CGAS: variants seen among roughly 807,000 people sequenced by gnomAD.
CGAS encodes cyclic GMP-AMP synthase, also known as 2'3'-cGAMP synthase.
A neutral mutation model predicts 34.0 loss-of-function variants in CGAS; 31 were observed. That is an observed-to-expected ratio of 0.91 (90% CI 0.69 to 1.23). CGAS has a LOEUF of 1.23. Among genes scored for constraint, CGAS ranks in the 50% most tolerant of loss-of-function variants. The pLI is 0.00. For missense variants in CGAS, 597 were observed against 657.6 expected, an observed-to-expected ratio of 0.91 and a Z score of 1.01; for synonymous variants, 266 against 260.0, an observed-to-expected ratio of 1.02 and a Z score of -0.22.
chr6:73,430,574 G>A (rs368578302), intron 3 of CGAS, among the ~76,000 whole-genome samples: 4 of 151,926 alleles, frequency 2.6e-5, no homozygotes, highest in East Asian at 1.9e-4. Context: ...CCGGAATGCC[G>A]AGGTTGCAGT....
intron 1 of CGAS, among the ~76,000 whole-genome samples, chr6:73,449,851 C>T (rs1321890099): frequency 3.3e-5 from 5 of 151,254 alleles, no homozygotes; most frequent in African/African-American, 1.2e-4. Context: ...ATAAATTAGC[C>T]GGGAGTGGGG....
At chr6:73,445,313 A>T (rs998403213) in intron 2 of CGAS, among the ~76,000 whole-genome samples, 2 of 151,628 alleles carry the variant, frequency 1.3e-5, no homozygotes, top group African/African-American at 2.4e-5. Context: ...TTCATTAGAG[A>T]ACAAATAGAT....
intron 2 of CGAS, among the ~76,000 whole-genome samples, chr6:73,441,581 G>A (rs910589634): frequency 6.6e-6 from 1 of 152,122 alleles, no homozygotes; most frequent in African/African-American, 2.4e-5. Context: ...GAATAAGCAG[G>A]AAGAAGAAAG....
intron 1 of CGAS, among the ~76,000 whole-genome samples, chr6:73,448,776 A>G (rs1770510100): frequency 6.6e-6 from 1 of 152,110 alleles, no homozygotes; most frequent in South Asian, 2.1e-4. Context: ...TGGCCCACAT[A>G]TATCTCATAA....
At chr6:73,443,235 CTTTT>C (rs35135687) in intron 2 of CGAS, among the ~76,000 whole-genome samples, 2 of 104,222 alleles carry the variant, frequency 1.9e-5, no homozygotes, top group Admixed American at 1.3e-4. Flanking sequence ...TTCCCAAACT[CTTTT>C]TTTTTTTTTT....
chr6:73,427,373 T>C (rs1383211906), intron 4 of CGAS, among the ~76,000 whole-genome samples: 1 of 151,822 alleles, frequency 6.6e-6, no homozygotes, highest in African/African-American at 2.4e-5. Flanking sequence ...GATCTCAGCT[T>C]ATTGCAACCT....
Position 73,428,816 on chromosome 6 carries a change from A to G in CGAS, c.1115-5T>C, listed in dbSNP as rs1285388410. 2 of 1,606,606 alleles carry G rather than the reference A, an allele frequency of 1.2e-6. No individual in the cohort carries two copies. The highest frequency in any genetic ancestry group is 3.5e-5 in the Admixed American group (2 of 57,788). On this transcript the variant is annotated splice_polypyrimidine_tract_variant and splice_region_variant and intron_variant, in intron 3 of 4. Transcript: ENST00000370315. ...AGGATAGCCGCCATGTTTCTTCTTA[A>G]TTTCAAAAAGAAAAACAAAAAAGCA...
At position 73,451,784 on chromosome 6, in the gene CGAS, C is replaced by G. The variant is rs1168016799; in HGVS notation, c.398G>C (p.Arg133Thr). 6.3e-7 allele frequency: 1 copy of G among 1,585,262 alleles called. No individual in the cohort carries two copies. Among genetic ancestry groups the G allele is most frequent in the Non-Finnish European group, 8.6e-7 (1 of 1,167,166 alleles). The change falls in exon 1 of 5, where the codon AGA (arginine) becomes ACA (threonine). Residue 133 changes from arginine to threonine, a missense_variant. Arg to Thr is a moderately conservative substitution (Grantham distance 71). Coordinates refer to ENST00000370315, the MANE Select transcript of CGAS (RefSeq NM_138441.3). ...QRGARCSTKP[R>T]PPPGPWDVPS... Reference sequence around the variant, plus strand: ...CACGTCCCAGGGCCCGGGCGGAGGTCTTGGCTTCGTGGAGCAGCGCGCGCC... The same window carrying G: ...CACGTCCCAGGGCCCGGGCGGAGGTGTTGGCTTCGTGGAGCAGCGCGCGCC...
intron 1 of CGAS, among the ~76,000 whole-genome samples, chr6:73,446,697 C>T (rs1770477607): frequency 9.9e-5 from 1 of 10,146 alleles, no homozygotes; most frequent in Admixed American, 9.9e-4. Flanking sequence ...CACTGCAGTC[C>T]GCAGTCCCGC....
At chr6:73,440,758 C>T (rs1036769244) in intron 2 of CGAS, among the ~76,000 whole-genome samples, 2 of 151,924 alleles carry the variant, frequency 1.3e-5, no homozygotes, top group South Asian at 4.2e-4. Context: ...AAAAATTAGC[C>T]GGGCATGGTG....
intron 3 of CGAS, among the ~76,000 whole-genome samples, chr6:73,431,512 T>C (rs1228920164): frequency 2.6e-5 from 4 of 151,942 alleles, no homozygotes; most frequent in Non-Finnish European, 5.9e-5. Flanking sequence ...GAAATATGGA[T>C]GAAAGCAGAA....
At position 73,425,368 on chromosome 6, in the gene CGAS, CCTGAGGCA is replaced by C; in HGVS notation, c.1420_1427del (p.Cys474AspfsTer5). 6.2e-7 allele frequency: 1 copy of C among 1,612,976 alleles called. No individual in the cohort carries two copies. Among genetic ancestry groups the C allele is most frequent in the Non-Finnish European group, 8.5e-7 (1 of 1,179,826 alleles). The stretch of plus-strand genomic sequence containing the variant: ...TAAAATAATTCTCAAGTTTTTCTGT[CCTGAGGCA>C]CTGAAGAAAGTATGTCACGCAGTTA... On this transcript the variant is annotated frameshift_variant, in exon 5 of 5. Transcript: ENST00000370315. LOFTEE classifies it high-confidence loss of function.
At chr6:73,428,116 T>TG (rs1328686977) in intron 4 of CGAS, among the ~76,000 whole-genome samples, 1 of 150,492 alleles carries the variant, frequency 6.6e-6, no homozygotes, top group Non-Finnish European at 1.5e-5. Flanking sequence ...CTCAGCTACT[T>TG]GGGGGGCTGA....
chr6:73,443,201 A>G (rs1419366020), intron 2 of CGAS, among the ~76,000 whole-genome samples: 2 of 144,272 alleles, frequency 1.4e-5, no homozygotes, highest in African/African-American at 2.6e-5. Context: ...AAACACTCAT[A>G]GTCTCCTTTT....
At chr6:73,429,922 T>C (rs1408099859) in intron 3 of CGAS, among the ~76,000 whole-genome samples, 1 of 152,138 alleles carries the variant, frequency 6.6e-6, no homozygotes, top group Non-Finnish European at 1.5e-5. Context: ...AAAGTATAAG[T>C]AGTTTATAAT....
chr6:73,449,931 G>A (rs1436230403), intron 1 of CGAS, among the ~76,000 whole-genome samples: 1 of 151,912 alleles, frequency 6.6e-6, no homozygotes, highest in African/African-American at 2.4e-5. Flanking sequence ...GAAGCCGGAG[G>A]TTGCAGCGAA....
intron 1 of CGAS, among the ~76,000 whole-genome samples, chr6:73,449,723 C>T (rs1349045201): frequency 6.6e-6 from 1 of 151,694 alleles, no homozygotes; most frequent in Non-Finnish European, 1.5e-5. Context: ...GGGCTGGGTG[C>T]CGTGGCTCAA....
At chr6:73,445,412 C>G in intron 2 of CGAS, 116 bp downstream of exon 2, 1 of 586,148 alleles carries the variant, frequency 1.7e-6, no homozygotes, top group Non-Finnish European at 3.0e-6. Context: ...GTTTCTTGAC[C>G]TCTCTACTGC....
intron 3 of CGAS, among the ~76,000 whole-genome samples, chr6:73,438,025 CA>C (rs1770307315): frequency 6.6e-6 from 1 of 152,146 alleles, no homozygotes; most frequent in African/African-American, 2.4e-5. Context: ...GCCAAGATTG[CA>C]CCACTGCACT....
Sources: allele counts gnomAD v4.1 joint callset (sites outside exome capture counted in the v4.1 genomes callset), GRCh38; gene constraint gnomAD v4.1.1; transcripts MANE v1.5; gene names NCBI Gene and HGNC (gene_info 2026-07-23, HGNC 2026-07-21).